The following MPC2 variants were observed in gnomAD, a reference collection of about 807,000 sequenced individuals.
The protein encoded by MPC2 is brain protein 44.
Under a neutral mutation model 19.2 loss-of-function variants are expected in MPC2, and 19 were observed. The ratio of observed to expected loss-of-function variants is 0.99; its 90% CI spans 0.69 to 1.45. MPC2 has a LOEUF of 1.45. Ranked by LOEUF, MPC2 falls within the 40% of genes most tolerant of loss-of-function variation. MPC2 has a pLI of 0.00. For missense variants in MPC2, 122 were observed against 153.0 expected (o/e 0.80, Z 1.07); for synonymous variants, 61 against 54.3 (o/e 1.12, Z -0.54).
At chr1:167,934,550 A>G (rs1218284716) in intron 2 of MPC2, among the ~76,000 whole-genome samples, 1 of 152,210 alleles carries the variant, frequency 6.6e-6, no homozygotes, top group Non-Finnish European at 1.5e-5. Context: ...GTTGCAGTAA[A>G]TAATATTAAG....
intron 2 of MPC2, among the ~76,000 whole-genome samples, chr1:167,932,484 T>A (rs1350133702): frequency 2.0e-5 from 3 of 152,194 alleles, no homozygotes; most frequent in African/African-American, 7.2e-5. Context: ...CCTCCACTGA[T>A]AATTTTTTTG....
chr1:167,921,517 C>T (rs1047331361), intron 3 of MPC2, among the ~76,000 whole-genome samples: 3 of 152,130 alleles, frequency 2.0e-5, no homozygotes, highest in South Asian at 2.1e-4. Flanking sequence ...CCACCATGCC[C>T]GGCCTTGGCT....
At chr1:167,919,678 T>C (rs1389627649) in intron 5 of MPC2, among the ~76,000 whole-genome samples, 4 of 152,196 alleles carry the variant, frequency 2.6e-5, no homozygotes, top group African/African-American at 9.7e-5. Flanking sequence ...TTATGTGAGA[T>C]GGTTAACCAT....
chr1:167,930,218 T>C (rs917213468), intron 2 of MPC2, among the ~76,000 whole-genome samples: 5 of 152,188 alleles, frequency 3.3e-5, no homozygotes, highest in Non-Finnish European at 7.3e-5. Flanking sequence ...TTTAAAAATG[T>C]TGACTGAAAA....
intron 4 of MPC2, among the ~76,000 whole-genome samples, 159 bp from the exon 5 acceptor site, chr1:167,920,249 A>G (rs1670567671): frequency 6.6e-6 from 1 of 152,260 alleles, no homozygotes; most frequent in Non-Finnish European, 1.5e-5. Context: ...TTAGTGTCAC[A>G]GAAAATACTC....
intron 2 of MPC2, 149 bp downstream of exon 2, chr1:167,935,584 C>T: frequency 1.7e-6 from 1 of 597,894 alleles, no homozygotes; most frequent in Non-Finnish European, 3.0e-6. Flanking sequence ...GTGAAATGCA[C>T]AGGCTAGGAG....
At chr1:167,935,643 T>C (rs1671110721) in intron 2 of MPC2, 90 bp downstream of exon 2, 3 of 1,082,288 alleles carry the variant, frequency 2.8e-6, no homozygotes, top group Non-Finnish European at 4.2e-6. Flanking sequence ...TGGATGCCTC[T>C]AGAGGCAGTT....
chr1:167,925,451 A>G (rs1336548339), intron 2 of MPC2, among the ~76,000 whole-genome samples: 5 of 109,478 alleles, frequency 4.6e-5, no homozygotes, highest in African/African-American at 1.9e-4. Context: ...ACATATATAT[A>G]TATATATATA....
At chr1:167,920,781 A>C in intron 3 of MPC2, 150 bp from the exon 4 acceptor site, 1 of 699,300 alleles carries the variant, frequency 1.4e-6, no homozygotes, top group Non-Finnish European at 2.2e-6. Flanking sequence ...AGATTACAAC[A>C]AAAAAAAAGC....
At chr1:167,933,132 G>A (rs2102560202) in intron 2 of MPC2, among the ~76,000 whole-genome samples, 1 of 150,712 alleles carries the variant, frequency 6.6e-6, no homozygotes, top group Non-Finnish European at 1.5e-5. Flanking sequence ...ATGCAATACT[G>A]TAACTAAAAT....
chr1:167,934,307 G>A (rs1278357555), intron 2 of MPC2, among the ~76,000 whole-genome samples: 1 of 152,110 alleles, frequency 6.6e-6, no homozygotes. Context: ...TTATCCTACA[G>A]CTAAAACACA....
intron 3 of MPC2, among the ~76,000 whole-genome samples, chr1:167,922,287 A>G (rs1387545619): frequency 3.9e-5 from 6 of 152,184 alleles, no homozygotes; most frequent in African/African-American, 1.4e-4. Context: ...GAAGGCATTT[A>G]TGAGTATATA....
At chr1:167,919,854 T>C in intron 5 of MPC2, 125 bp downstream of exon 5, 1 of 582,644 alleles carries the variant, frequency 1.7e-6, no homozygotes, top group South Asian at 2.5e-5. Flanking sequence ...ATATGAATCT[T>C]TTAAAAAAAT....
chr1:167,935,580 T>G (rs900643176), intron 2 of MPC2, among the ~76,000 whole-genome samples, 153 bp downstream of exon 2: 1 of 151,646 alleles, frequency 6.6e-6, no homozygotes, highest in African/African-American at 2.4e-5. Flanking sequence ...GAGGGTGAAA[T>G]GCACAGGCTA....
intron 3 of MPC2, among the ~76,000 whole-genome samples, chr1:167,923,432 A>G (rs1468892146): frequency 6.6e-6 from 1 of 152,198 alleles, no homozygotes. Context: ...GCTAGGGGAA[A>G]TAAGCCAACT....
At chr1:167,926,967 ATTC>A (rs1557854867) in intron 2 of MPC2, among the ~76,000 whole-genome samples, 2 of 152,200 alleles carry the variant, frequency 1.3e-5, no homozygotes, top group Non-Finnish European at 2.9e-5. Context: ...CAGCCTGTAT[ATTC>A]TTCTATCATT....
chr1:167,924,051 C>G (rs560650939), intron 3 of MPC2, among the ~76,000 whole-genome samples: 1 of 152,204 alleles, frequency 6.6e-6, no homozygotes, highest in Non-Finnish European at 1.5e-5. Context: ...CCTAGGTTCT[C>G]TCATTTACCA....
Position 167,926,499 on chromosome 1 carries a change from G to C in MPC2, c.110-1962C>G, listed in dbSNP as rs115936453. 3.9e-3 allele frequency among the ~76,000 whole-genome samples: 599 copies of C among 152,332 alleles called. 2 individuals carry two copies. Among genetic ancestry groups the C allele is most frequent in the Admixed American group, 7.3e-3 (112 of 15,304 alleles). ...ATATAAAAGAAAACATGAAGCCACT[G>C]AGTTTCAGAATATATAATCCTAATT... On this transcript the variant is annotated intron_variant, in intron 2 of 5. Coordinates refer to ENST00000271373, the MANE Select transcript of MPC2 (RefSeq NM_001143674.4).
rs369095228 is a variant in MPC2, at chr1:167,925,144, C to T, written c.110-607G>A. On this transcript the variant is annotated intron_variant, in intron 2 of 5. Coordinates refer to ENST00000271373, the MANE Select transcript of MPC2 (RefSeq NM_001143674.4). ...TAGTCCTTGATATTTTTGTCCCTCT[C>T]GAATTCACAGTATTCTTACAGCAAA... Among the ~76,000 whole-genome samples the T allele has an allele frequency of 4.6e-5, 7 of 152,070 alleles. No individual in the cohort carries two copies. In the South Asian group the frequency reaches 8.3e-4, roughly 18 times the overall value.
Sources: gnomAD v4.1 joint callset for allele counts (sites outside exome capture counted in the v4.1 genomes callset) on GRCh38, gnomAD v4.1.1 for gene constraint, MANE v1.5 for transcripts, NCBI Gene and HGNC (gene_info 2026-07-23, HGNC 2026-07-21) for gene names.